Variants in SULF2 observed in about 807,000 individuals in gnomAD.
The protein encoded by SULF2 is extracellular sulfatase Sulf-2.
Under a neutral mutation model 107.7 loss-of-function variants are expected in SULF2, and 52 were observed. The ratio of observed to expected loss-of-function variants is 0.48; its 90% CI spans 0.39 to 0.61. SULF2 has a LOEUF of 0.61. Ranked by LOEUF, SULF2 falls within the 20% of genes least tolerant of loss-of-function variation. The pLI is 0.00. For missense variants in SULF2, 993 were observed against 1,177.3 expected, an observed-to-expected ratio of 0.84 and a Z score of 2.29; for synonymous variants, 460 against 464.3, an observed-to-expected ratio of 0.99 and a Z score of 0.12.
intron 18 of SULF2, among the ~76,000 whole-genome samples, chr20:47,660,275 T>C (rs1317587696): frequency 6.6e-6 from 1 of 152,220 alleles, no homozygotes; most frequent in East Asian, 1.9e-4. Context: ...TAATATGTCA[T>C]TGCACTTTGA....
chr20:47,683,606 T>G (rs2087901885), intron 6 of SULF2, among the ~76,000 whole-genome samples: 1 of 152,228 alleles, frequency 6.6e-6, no homozygotes, highest in African/African-American at 2.4e-5. Context: ...GTGGCAGAAC[T>G]TTCTGCATTG....
intron 3 of SULF2, among the ~76,000 whole-genome samples, chr20:47,717,846 C>G (rs2089171595): frequency 6.8e-6 from 1 of 147,988 alleles, no homozygotes; most frequent in Admixed American, 6.8e-5. Flanking sequence ...TGGAGTCTCG[C>G]TCTGTCACCC....
At chr20:47,717,698 G>T (rs538016331) in intron 3 of SULF2, among the ~76,000 whole-genome samples, 1 of 152,332 alleles carries the variant, frequency 6.6e-6, no homozygotes, top group African/African-American at 2.4e-5. Context: ...TTGAAGGAAG[G>T]TCATTCCCAG....
At chr20:47,782,044 A>C (rs2090842215) in intron 1 of SULF2, among the ~76,000 whole-genome samples, 1 of 152,178 alleles carries the variant, frequency 6.6e-6, no homozygotes, top group Admixed American at 6.5e-5. Flanking sequence ...AGCTGGCTTG[A>C]GTTTTTTTCT....
At chr20:47,758,244 C>T (rs561457282) in intron 1 of SULF2, among the ~76,000 whole-genome samples, 57 of 148,746 alleles carry the variant, frequency 3.8e-4, no homozygotes, top group Admixed American at 1.4e-3. Flanking sequence ...TCTGGGCTCA[C>T]TGCGACCTCT....
At chr20:47,672,686 A>G (rs550153264) in intron 10 of SULF2, 40 of 337,854 alleles carry the variant, frequency 1.2e-4, no homozygotes, top group African/African-American at 8.7e-4. Context: ...GAATCTTTTT[A>G]AAGGGCAAGT....
intron 18 of SULF2, 92 bp from the exon 19 acceptor site, chr20:47,659,822 T>C: frequency 1.0e-6 from 1 of 969,530 alleles, no homozygotes; most frequent in Non-Finnish European, 1.6e-6. Context: ...TGCTTTTTTG[T>C]CACAATCCCA....
chr20:47,661,915 G>T lies in SULF2; in HGVS notation c.2371-19C>A. On this transcript the variant is annotated intron_variant, in intron 17 of 20. Coordinates refer to ENST00000688720, the MANE Select transcript of SULF2 (RefSeq NM_001387048.1). ...TCATCAGCTGGTTGCAAAAAAGGTA[G>T]TCTGTCAACAAGGTAAGTACAGGGA... 6.5e-7 allele frequency: 1 copy of T among 1,535,522 alleles called. No homozygotes were observed.
intron 8 of SULF2, among the ~76,000 whole-genome samples, chr20:47,677,399 ACT>A (rs2087680797): frequency 8.2e-6 from 1 of 122,366 alleles, no homozygotes; most frequent in Non-Finnish European, 1.8e-5. Flanking sequence ...CACCCAAGTA[ACT>A]GTGTGTGTGT....
At chr20:47,667,935 A>G (rs889707398) in intron 11 of SULF2, among the ~76,000 whole-genome samples, 1 of 152,168 alleles carries the variant, frequency 6.6e-6, no homozygotes, top group Non-Finnish European at 1.5e-5. Flanking sequence ...CTTGCATCAG[A>G]GTCACAAGGG....
intron 12 of SULF2, 21 bp from the exon 13 acceptor site, chr20:47,665,974 C>A: frequency 6.2e-7 from 1 of 1,611,998 alleles, no homozygotes; most frequent in Non-Finnish European, 8.5e-7. Context: ...GAAGGGATCA[C>A]GTGTGGCTCG....
chr20:47,721,189 A>G (rs893968021), intron 3 of SULF2, among the ~76,000 whole-genome samples: 3 of 152,250 alleles, frequency 2.0e-5, no homozygotes, highest in Admixed American at 6.5e-5. Context: ...GAAGTGATAA[A>G]TCAATGCTAT....
At position 47,759,639 on chromosome 20, in the gene SULF2, C is replaced by T. The variant is rs2090373591; in HGVS notation, c.-100-2176G>A. On this transcript the variant is annotated intron_variant, in intron 1 of 20. Transcript: ENST00000688720. Reference sequence around the variant, plus strand: ...CCTGGGAAATGGAGGTTGCAGTGAGCCGAGATCATGTCATTGCACTCCAGC... The same window carrying T: ...CCTGGGAAATGGAGGTTGCAGTGAGTCGAGATCATGTCATTGCACTCCAGC... 2.0e-5 allele frequency among the ~76,000 whole-genome samples: 3 copies of T among 152,164 alleles called. No homozygotes were observed. In the South Asian group the frequency reaches 6.2e-4, roughly 32 times the overall value.
chr20:47,746,989 AAAAAAAT>A (rs1568895292), intron 2 of SULF2, among the ~76,000 whole-genome samples: 4 of 61,530 alleles, frequency 6.5e-5, no homozygotes, highest in African/African-American at 6.4e-5. Context: ...AAATAAAAAA[AAAAAAAT>A]ATATATATAT....
At chr20:47,768,649 A>G (rs1449979347) in intron 1 of SULF2, among the ~76,000 whole-genome samples, 2 of 152,206 alleles carry the variant, frequency 1.3e-5, no homozygotes, top group African/African-American at 2.4e-5. Flanking sequence ...TTGACAACTG[A>G]TAAGAGAAGG....
At chr20:47,717,918 G>A (rs564207433) in intron 3 of SULF2, among the ~76,000 whole-genome samples, 131 of 151,692 alleles carry the variant, frequency 8.6e-4, no homozygotes, top group Admixed American at 2.2e-3. Context: ...AGGTTCAAGC[G>A]ATTCTCCTGC....
intron 4 of SULF2, among the ~76,000 whole-genome samples, chr20:47,696,886 G>A (rs966727502): frequency 4.6e-5 from 7 of 152,164 alleles, no homozygotes; most frequent in African/African-American, 7.2e-5. Context: ...TAGTTATTTC[G>A]TGTATTGGTG....
intron 1 of SULF2, among the ~76,000 whole-genome samples, chr20:47,779,020 A>G (rs2090774356): frequency 6.6e-6 from 1 of 152,162 alleles, no homozygotes; most frequent in East Asian, 1.9e-4. Flanking sequence ...GGTGGGGTTC[A>G]TCTCAAACCC....
At chr20:47,700,978 G>A (rs1055089623) in intron 4 of SULF2, among the ~76,000 whole-genome samples, 3 of 152,122 alleles carry the variant, frequency 2.0e-5, no homozygotes, top group African/African-American at 7.2e-5. Flanking sequence ...CTATGTCCCA[G>A]CAATCCTTCT....
Sources: allele counts gnomAD v4.1 joint callset (sites outside exome capture counted in the v4.1 genomes callset), GRCh38; gene constraint gnomAD v4.1.1; transcripts MANE v1.5; gene names NCBI Gene and HGNC (gene_info 2026-07-23, HGNC 2026-07-21).